Variants in CDC42BPA observed in about 807,000 individuals in gnomAD.
CDC42BPA encodes serine/threonine-protein kinase MRCK alpha.
CDC42BPA carries 80 observed loss-of-function variants against 223.5 expected under a neutral mutation model. The observed-to-expected ratio is 0.36, with a 90% CI of 0.30 to 0.43. The LOEUF is 0.43. Among genes scored for constraint, CDC42BPA ranks in the 20% least tolerant of loss-of-function variants. The pLI is 1.00. For synonymous variants in CDC42BPA, 694 were observed against 718.6 expected (o/e 0.97, Z 0.55); for missense variants, 1,743 against 2,099.9 (o/e 0.83, Z 3.32).
At chr1:227,072,387 T>G (rs931098530) in intron 19 of CDC42BPA, 88 bp from the exon 20 acceptor site, 8 of 718,850 alleles carry the variant, frequency 1.1e-5, no homozygotes, top group African/African-American at 1.1e-4. Context: ...TTACTTGGTT[T>G]AAATGTCAGG....
chr1:227,186,100 A>T (rs1468935203), intron 5 of CDC42BPA, among the ~76,000 whole-genome samples: 1 of 152,224 alleles, frequency 6.6e-6, no homozygotes, highest in Non-Finnish European at 1.5e-5. Flanking sequence ...GTGCCTGGTT[A>T]GGAAAACCTA....
intron 2 of CDC42BPA, among the ~76,000 whole-genome samples, chr1:227,221,884 T>C (rs4065211): frequency 0.17 from 25,605 of 151,444 alleles, 2,201 homozygotes; most frequent in Middle Eastern, 0.21. Context: ...AATATTACTC[T>C]AGTTTTCCCT....
At chr1:227,246,716 G>A (rs1238980808) in intron 2 of CDC42BPA, among the ~76,000 whole-genome samples, 1 of 151,272 alleles carries the variant, frequency 6.6e-6, no homozygotes, top group Non-Finnish European at 1.5e-5. Context: ...TCCCAAGAAA[G>A]ACAGGTACAA....
intron 1 of CDC42BPA, among the ~76,000 whole-genome samples, chr1:227,257,266 G>A (rs1683239008): frequency 1.3e-5 from 2 of 152,056 alleles, no homozygotes; most frequent in African/African-American, 4.8e-5. Context: ...CTATGTGATG[G>A]TTGTTACATA....
At chr1:227,084,085 T>C (rs918214614) in intron 16 of CDC42BPA, among the ~76,000 whole-genome samples, 4 of 148,836 alleles carry the variant, frequency 2.7e-5, no homozygotes, top group African/African-American at 9.8e-5. Context: ...TTGTTGTCAC[T>C]CCAATGACTT....
intron 20 of CDC42BPA, among the ~76,000 whole-genome samples, chr1:227,070,607 G>A (rs563722210): frequency 2.0e-5 from 3 of 151,882 alleles, no homozygotes; most frequent in African/African-American, 7.2e-5. Flanking sequence ...CAGTTATCAG[G>A]TAAGGCAGTA....
At chr1:227,138,292 G>C (rs1349376834) in intron 10 of CDC42BPA, among the ~76,000 whole-genome samples, 3 of 151,734 alleles carry the variant, frequency 2.0e-5, no homozygotes, top group East Asian at 3.9e-4. Context: ...TTATTTTAGA[G>C]AAAAAAGCAG....
intron 2 of CDC42BPA, among the ~76,000 whole-genome samples, chr1:227,253,603 AATAAATACATACATACATAC>A (rs1366118431): frequency 1.2e-4 from 13 of 109,560 alleles, no homozygotes; most frequent in Middle Eastern, 5.5e-3. Context: ...CTCAAAAATA[AATAAATACATACATACATAC>A]ATACATACAT....
chr1:227,218,502 C>A (rs1442005076), intron 2 of CDC42BPA, among the ~76,000 whole-genome samples: 1 of 152,142 alleles, frequency 6.6e-6, no homozygotes, highest in African/African-American at 2.4e-5. Flanking sequence ...AATCCTTACA[C>A]CAATCTAAAG....
chr1:227,159,627 T>C (rs1663479263), intron 6 of CDC42BPA, among the ~76,000 whole-genome samples: 1 of 141,410 alleles, frequency 7.1e-6, no homozygotes. Context: ...ACCTCTCCTA[T>C]ATGGCCAGAA....
intron 3 of CDC42BPA, among the ~76,000 whole-genome samples, chr1:227,201,411 AG>A (rs1367145843): frequency 6.6e-6 from 1 of 152,146 alleles, no homozygotes; most frequent in Admixed American, 6.5e-5. Flanking sequence ...TCAAAGTGCT[AG>A]GACTACAGGC....
At chr1:227,116,149 A>G (rs187295648) in intron 12 of CDC42BPA, among the ~76,000 whole-genome samples, 3 of 152,208 alleles carry the variant, frequency 2.0e-5, no homozygotes, top group African/African-American at 7.2e-5. Context: ...TAAAGCATTC[A>G]CAACAGTGCT....
intron 1 of CDC42BPA, among the ~76,000 whole-genome samples, chr1:227,311,927 T>C (rs909820054): frequency 5.9e-5 from 9 of 152,176 alleles, no homozygotes; most frequent in African/African-American, 2.2e-4. Flanking sequence ...CTTGAGTAAG[T>C]CCCTAATCTA....
At chr1:227,065,041 G>T (rs1265945509) in intron 21 of CDC42BPA, among the ~76,000 whole-genome samples, 1 of 152,052 alleles carries the variant, frequency 6.6e-6, no homozygotes, top group Non-Finnish European at 1.5e-5. Context: ...AGCTTGCAGT[G>T]AGCTGAGATC....
chr1:227,060,698 G>A (rs914071668), intron 21 of CDC42BPA, among the ~76,000 whole-genome samples: 1 of 150,284 alleles, frequency 6.7e-6, no homozygotes, highest in Admixed American at 6.6e-5. Flanking sequence ...AATAACTCTG[G>A]CAGGTAAGTA....
rs1247319048 is a variant in CDC42BPA, at chr1:227,258,891, C to A, written c.179-4736G>T. Reference sequence around the variant, plus strand: ...GCAAAAGACTTTATATTCATTACAACAATTGAAAAAGATATAATAATCACT... The same window carrying A: ...GCAAAAGACTTTATATTCATTACAAAAATTGAAAAAGATATAATAATCACT... On this transcript the variant is annotated intron_variant, in intron 1 of 36. Coordinates refer to ENST00000366766, the MANE Select transcript of CDC42BPA (RefSeq NM_001394014.1). 2.0e-5 allele frequency among the ~76,000 whole-genome samples: 3 copies of A among 151,060 alleles called. No homozygotes were observed. The East Asian group carries it at 5.8e-4, about 29-fold the overall frequency.
chr1:227,129,028 C>T, intron 11 of CDC42BPA, 81 bp downstream of exon 11: 1 of 945,384 alleles, frequency 1.1e-6, no homozygotes. Flanking sequence ...CAGACAGGTT[C>T]TCAATAGATG....
In CDC42BPA at chr1:227,069,041, G is replaced by C. The variant is rs188665023; in HGVS notation, c.2904+736C>G. 2.9e-3 allele frequency: 450 copies of C among 155,670 alleles called. 3 individuals carry two copies. The highest frequency in any genetic ancestry group is 6.3e-3 in the Middle Eastern group (2 of 316). 9.6% of individuals were successfully genotyped at this position (155,670 alleles called of 1,614,324 possible). On this transcript the variant is annotated intron_variant, in intron 21 of 36. Transcript: ENST00000366766. ...ACTAAAAGTAAGCAATGGAATTCCT[G>C]AGGCTTCTAATTCTTCCCACTGGAA...
chr1:227,261,693 T>C (rs922719576), intron 1 of CDC42BPA, among the ~76,000 whole-genome samples: 2 of 152,000 alleles, frequency 1.3e-5, no homozygotes, highest in African/African-American at 4.8e-5. Flanking sequence ...CCCTAACAGG[T>C]GCCTGTTAGG....
Sources: allele counts gnomAD v4.1 joint callset (sites outside exome capture counted in the v4.1 genomes callset), GRCh38; gene constraint gnomAD v4.1.1; transcripts MANE v1.5; gene names NCBI Gene and HGNC (gene_info 2026-07-23, HGNC 2026-07-21).